CRYBG2: variants seen among roughly 807,000 people sequenced by gnomAD.
CRYBG2 encodes beta/gamma crystallin domain-containing protein 2.
A neutral mutation model predicts 153.4 loss-of-function variants in CRYBG2; 106 were observed. The ratio of observed to expected loss-of-function variants is 0.69; its 90% confidence interval spans 0.59 to 0.81. The LOEUF is 0.81. CRYBG2 is among the 30% of genes least tolerant of loss of function. The pLI, the probability that CRYBG2 is intolerant of heterozygous loss-of-function variation, is 0.00. For synonymous variants in CRYBG2, 851 were observed against 877.8 expected (o/e 0.97, Z 0.54); for missense variants, 1,996 against 2,112.0 (o/e 0.95, Z 1.08).
chr1:26,337,738 C>A, intron 8 of CRYBG2, 64 bp from the exon 9 acceptor site: 1 of 1,580,028 alleles, frequency 6.3e-7, no homozygotes, highest in Non-Finnish European at 8.6e-7. Context: ...TCAGGAATGG[C>A]TCTGCCCAGC....
rs1056082956 is a variant in CRYBG2 at position 26,345,438 on chromosome 1, A to G, written c.1220T>C (p.Met407Thr). 6.2e-7 allele frequency: 1 copy of G among 1,606,554 alleles called. No individual in the cohort carries two copies. Among genetic ancestry groups the G allele is most frequent in the African/African-American group, 1.3e-5 (1 of 74,806 alleles). ...GACTGTCACATGCTCGCTCCTCACC[A>G]TGGGCAGGACGGTGGCAGCAGGGGG... Reference protein sequence around the residue: ...VDPPAATVLPMVRSEHVTVPG... With the variant: ...VDPPAATVLPTVRSEHVTVPG... The change falls in exon 2 of 20, where the codon ATG (methionine) becomes ACG (threonine). Residue 407 changes from methionine (M) to threonine (T), a missense_variant. By Grantham distance (81) the Met-to-Thr change is moderately conservative. Coordinates refer to ENST00000308182, the MANE Select transcript of CRYBG2 (RefSeq NM_001039775.4).
Position 26,339,423 on chromosome 1 carries a change from T to C in CRYBG2, c.3211A>G (p.Ser1071Gly), listed in dbSNP as rs139117433. The C allele has an allele frequency of 1.2e-6, 2 of 1,613,974 alleles. No individual in the cohort carries two copies. Among genetic ancestry groups the C allele is most frequent in the East Asian group, 2.2e-5 (1 of 44,878 alleles). ...GSLRRVVWDY[S>G]TPEISLFSEE... ...GAGAAGAGGCTGATTTCCGGGGTGC[T>C]GTAGTCCTGTGGAAGGAGGGGGAAA... The change falls in exon 6 of 20, where the codon AGC becomes GGC. Residue 1071 changes from serine to glycine, a missense_variant. Coordinates refer to ENST00000308182, the MANE Select transcript of CRYBG2 (RefSeq NM_001039775.4).
In CRYBG2 at chr1:26,336,838, T is replaced by TA. The variant is rs1433617390; in HGVS notation, c.3911+2dup. On this transcript the variant is annotated splice_region_variant and intron_variant, in intron 11 of 19. Transcript: ENST00000308182. The surrounding 1 kb of genome is among the most constrained non-coding windows in gnomAD (Gnocchi z 4.9). ...CCCCGCTCCCGGAGCCCGGGTCACTTACACGCCGCTGAGCACGTGGATGGC... is the reference window on the plus strand; with the variant it reads ...CCCCGCTCCCGGAGCCCGGGTCACTTAACACGCCGCTGAGCACGTGGATGGC... 6.3e-7 allele frequency: 1 copy of TA among 1,588,238 alleles called. No individual in the cohort carries two copies. Among genetic ancestry groups the TA allele is most frequent in the Non-Finnish European group, 8.6e-7 (1 of 1,168,766 alleles).
Position 26,337,656 on chromosome 1 carries a change from G to C in CRYBG2, c.3526C>G (p.Pro1176Ala). The change falls in exon 9 of 20, where the codon CCA becomes GCA. Residue 1176 changes from proline to alanine, a missense_variant. Transcript: ENST00000308182. ...GEPRAVVYEA[P>A]GFQGRSWEVS... ...TCCCAGCTGCGGCCCTGAAAGCCTG[G>C]GGCCTCATACACCACAGCCTGGGGG... is the stretch of plus-strand genomic sequence containing the variant. 1 of 1,612,176 alleles carries C rather than the reference G, an allele frequency of 6.2e-7. No individual in the cohort carries two copies. The highest frequency in any genetic ancestry group is 8.5e-7 in the Non-Finnish European group (1 of 1,179,924).
intron 7 of CRYBG2, 36 bp from the exon 8 acceptor site, chr1:26,338,083 G>A (rs1557711122): frequency 1.2e-6 from 2 of 1,609,748 alleles, no homozygotes; most frequent in Non-Finnish European, 1.7e-6. Flanking sequence ...CCAGCCCAGA[G>A]ATGGGAAAGA....
intron 1 of CRYBG2, among the ~76,000 whole-genome samples, chr1:26,348,744 TG>T (rs2074254029): frequency 6.6e-6 from 1 of 151,712 alleles, no homozygotes. Flanking sequence ...TTAGTAGAGA[TG>T]GGGTTTCACT....
At position 26,335,995 on chromosome 1, in the gene CRYBG2, C is replaced by T. The variant is rs1389239682; in HGVS notation, c.4184+100G>A. Reference sequence around the variant, plus strand: ...AATTGCGCAAGACAGAACAGTTCATCGCAAGGTAGCCAAAGGAAGGAAATC... The same window carrying T: ...AATTGCGCAAGACAGAACAGTTCATTGCAAGGTAGCCAAAGGAAGGAAATC... On this transcript the variant is annotated intron_variant, in intron 14 of 19. Transcript: ENST00000308182. 3.9e-6 allele frequency: 4 copies of T among 1,020,104 alleles called. No homozygotes were observed. In the Admixed American group the frequency reaches 9.0e-5, roughly 23 times the overall value. 63.2% of individuals were successfully genotyped at this position (1,020,104 alleles called of 1,614,324 possible).
At chr1:26,338,856 G>A (rs1007506465) in intron 6 of CRYBG2, among the ~76,000 whole-genome samples, 1 of 152,174 alleles carries the variant, frequency 6.6e-6, no homozygotes, top group Non-Finnish European at 1.5e-5. Context: ...AAGCTTAGCT[G>A]TCTCCTCTCT....
In CRYBG2 at chr1:26,324,176, G is replaced by T; in HGVS notation, c.4713C>A (p.Tyr1571Ter). ...PQAGGSCIWY[Y>*]EDGLLKNQMA... ...CCTGGTTCTTCAGCAGCCCATCCTC[G>T]TAGTACCAGATGCAGCTACCTCCAG... The change falls in exon 18 of 20, where the codon TAC (tyrosine) becomes TAA (stop). Residue 1571 changes from tyrosine to a stop codon, truncating the protein, a stop_gained. Coordinates refer to ENST00000308182, the MANE Select transcript of CRYBG2 (RefSeq NM_001039775.4). LOFTEE classifies it high-confidence loss of function. 1 of 1,613,558 alleles carries T rather than the reference G, an allele frequency of 6.2e-7. No homozygotes were observed. The highest frequency in any genetic ancestry group is 8.5e-7 in the Non-Finnish European group (1 of 1,179,926).
At chr1:26,323,353 G>A (rs1407189290) in intron 18 of CRYBG2, among the ~76,000 whole-genome samples, 1 of 152,104 alleles carries the variant, frequency 6.6e-6, no homozygotes, top group Non-Finnish European at 1.5e-5. Flanking sequence ...TCAAAGTGCT[G>A]TGATTACAGG....
rs901650733 is a variant in CRYBG2 at position 26,322,076 on chromosome 1, T to C, written c.4898-20A>G. 6.2e-7 allele frequency: 1 copy of C among 1,603,014 alleles called. No homozygotes were observed. Among genetic ancestry groups the C allele is most frequent in the Non-Finnish European group, 8.5e-7 (1 of 1,171,594 alleles). ...GGCCTCCTGGGGGTGGGATGGGGAT[T>C]AAAAGATAGGGAGATAGTCAGAGAG... is the stretch of plus-strand genomic sequence containing the variant. On this transcript the variant is annotated intron_variant, in intron 19 of 19. Coordinates refer to ENST00000308182, the MANE Select transcript of CRYBG2 (RefSeq NM_001039775.4).
chr1:26,324,626 C>A (rs140697127), intron 17 of CRYBG2, among the ~76,000 whole-genome samples: 1 of 152,122 alleles, frequency 6.6e-6, no homozygotes, highest in African/African-American at 2.4e-5. Flanking sequence ...CAGAAGTTCA[C>A]AGAAGACACA....
chr1:26,333,453 G>A (rs2124699776), intron 14 of CRYBG2, among the ~76,000 whole-genome samples: 1 of 151,960 alleles, frequency 6.6e-6, no homozygotes, highest in East Asian at 1.9e-4. Context: ...ATAATCCCAG[G>A]TACTCAAGAG....
chr1:26,345,850 C>G lies in CRYBG2; in HGVS notation c.808G>C (p.Val270Leu). The stretch of plus-strand genomic sequence containing the variant: ...GGCAGCTGCCTCAAGGCTGCCCCCA[C>G]TGTGCTGCCCAGACCTGTGCTCCTT... ...GPRSTGLGST[V>L]GAALRQLPET... is the part of the protein sequence containing the mutation. The change falls in exon 2 of 20, where the codon GTG becomes CTG. Residue 270 changes from valine (V) to leucine (L), a missense_variant. By Grantham distance (32) the Val-to-Leu change is conservative. Transcript: ENST00000308182. 1.3e-6 allele frequency: 2 copies of G among 1,596,866 alleles called. No homozygotes were observed. The highest frequency in any genetic ancestry group is 1.7e-6 in the Non-Finnish European group (2 of 1,179,282).
rs755265751 is a variant in CRYBG2, at chr1:26,328,855, T to C, written c.4333A>G (p.Ile1445Val). ...KVSLHFSEPS[I>V]FLYGLECFEG... Reference sequence around the variant, plus strand: ...AAGCACTCGAGTCCATACAGGAAAATGGAAGGCTCTGAAAAGTGCTGGGGC... The same window carrying C: ...AAGCACTCGAGTCCATACAGGAAAACGGAAGGCTCTGAAAAGTGCTGGGGC... Residue 1445 changes from isoleucine (I) to valine (V), a missense_variant, in exon 16 of 20, where the codon ATT (isoleucine) becomes GTT (valine). Coordinates refer to ENST00000308182, the MANE Select transcript of CRYBG2 (RefSeq NM_001039775.4). 1 of 1,613,826 alleles carries C rather than the reference T, an allele frequency of 6.2e-7. No individual in the cohort carries two copies. Among genetic ancestry groups the C allele is most frequent in the South Asian group, 1.1e-5 (1 of 91,074 alleles).
At chr1:26,353,410 C>T (rs1206353197) in intron 1 of CRYBG2, among the ~76,000 whole-genome samples, 2 of 152,086 alleles carry the variant, frequency 1.3e-5, no homozygotes, top group African/African-American at 4.8e-5. Context: ...CACCTCTGCG[C>T]CCCCCAGGCA....
chr1:26,353,258 A>G (rs1166209889), intron 1 of CRYBG2, among the ~76,000 whole-genome samples: 6 of 152,156 alleles, frequency 3.9e-5, no homozygotes, highest in Admixed American at 3.9e-4. Context: ...TTATGCTTAG[A>G]AAACAAATTG....
At chr1:26,329,774 C>T (rs1209091111) in intron 15 of CRYBG2, among the ~76,000 whole-genome samples, 1 of 152,058 alleles carries the variant, frequency 6.6e-6, no homozygotes. Flanking sequence ...GAGATGGAGT[C>T]TCACTCTGTC....
intron 14 of CRYBG2, among the ~76,000 whole-genome samples, chr1:26,332,000 G>A (rs1364797260): frequency 4.6e-5 from 7 of 152,152 alleles, no homozygotes. Flanking sequence ...ATAGGGGATT[G>A]GAGCTGAATA....
Sources: gnomAD v4.1 joint callset for allele counts (sites outside exome capture counted in the v4.1 genomes callset) on GRCh38, gnomAD v4.1.1 for gene constraint, Gnocchi (gnomAD v3.1) non-coding constraint, MANE v1.5 for transcripts, NCBI Gene and HGNC (gene_info 2026-07-23, HGNC 2026-07-21) for gene names.